Variants in SEMA4D observed in about 807,000 individuals in gnomAD.
SEMA4D encodes semaphorin 4D.
A neutral mutation model predicts 74.8 loss-of-function variants in SEMA4D; 22 were observed. That is an observed-to-expected ratio of 0.29 (90% confidence interval 0.21 to 0.42). The LOEUF (loss-of-function observed/expected upper bound fraction) is 0.42. Among genes scored for constraint, SEMA4D ranks in the 10% least tolerant of loss-of-function variants. SEMA4D has a pLI of 1.00. For synonymous variants in SEMA4D, 445 were observed against 463.7 expected, an observed-to-expected ratio of 0.96 and a Z score of 0.52; for missense variants, 937 against 1,118.4, an observed-to-expected ratio of 0.84 and a Z score of 2.31.
intron 8 of SEMA4D, among the ~76,000 whole-genome samples, chr9:89,392,043 C>T (rs1464778837): frequency 6.6e-6 from 1 of 152,266 alleles, no homozygotes; most frequent in African/African-American, 2.4e-5. Flanking sequence ...GCACTAGAGG[C>T]TGGGCCCGGA....
downstream of SEMA4D, chr9:89,376,944 C>T: frequency 1.9e-6 from 3 of 1,550,702 alleles, no homozygotes. Context: ...GGCCCCGCAC[C>T]CGAGGCTGGC....
intron 1 of SEMA4D, among the ~76,000 whole-genome samples, chr9:89,476,222 C>T (rs1413461283): frequency 2.6e-5 from 4 of 152,140 alleles, no homozygotes; most frequent in Admixed American, 6.5e-5. Context: ...CAGGGCAACA[C>T]CTTCATACAA....
rs140761617 is a variant in SEMA4D, at chr9:89,454,287, A to G, written c.-244+1601T>C. On this transcript the variant is annotated intron_variant, in intron 2 of 15. Coordinates refer to ENST00000422704, the MANE Select transcript of SEMA4D (RefSeq NM_001371194.2). Reference sequence around the variant, plus strand: ...TATCCTGCCTCTTACAGCTAAAGTCACATCTTGAAACGCCTTCTAACACAG... The same window carrying G: ...TATCCTGCCTCTTACAGCTAAAGTCGCATCTTGAAACGCCTTCTAACACAG... Among the ~76,000 whole-genome samples, 1,039 of 152,290 alleles carry G rather than the reference A, an allele frequency of 6.8e-3. 11 individuals are homozygous for G. The highest frequency in any genetic ancestry group is 0.023 in the African/African-American group (966 of 41,542).
chr9:89,427,033 A>G (rs905354895), intron 2 of SEMA4D, among the ~76,000 whole-genome samples: 2 of 152,198 alleles, frequency 1.3e-5, no homozygotes, highest in African/African-American at 4.8e-5. Context: ...CAGAATTTCA[A>G]TCAATTTCTA....
At chr9:89,370,958 TG>T in intron 16 of SEMA4D, among the ~76,000 whole-genome samples, 1 of 83,884 alleles carries the variant, frequency 1.2e-5, no homozygotes, top group African/African-American at 4.9e-5. Flanking sequence ...GGTGTGTATC[TG>T]GGGTAGGGTG....
chr9:89,399,403 A>T, intron 4 of SEMA4D, 65 bp from the exon 5 acceptor site: 1 of 1,199,904 alleles, frequency 8.3e-7, no homozygotes, highest in Non-Finnish European at 1.2e-6. Context: ...AAAATGCACA[A>T]TTTTAAAAGC....
intron 11 of SEMA4D, among the ~76,000 whole-genome samples, chr9:89,388,023 T>C (rs1432642550): frequency 6.6e-6 from 1 of 152,244 alleles, no homozygotes; most frequent in Non-Finnish European, 1.5e-5. Context: ...TCTAGCTCCC[T>C]GATGTGTGTA....
intron 2 of SEMA4D, among the ~76,000 whole-genome samples, chr9:89,445,652 T>C (rs1587945436): frequency 6.6e-6 from 1 of 152,196 alleles, no homozygotes; most frequent in Admixed American, 6.5e-5. Flanking sequence ...CACGTGATTA[T>C]GGATCTGTCA....
At chr9:89,384,747 G>A in intron 13 of SEMA4D, 1 of 985,434 alleles carries the variant, frequency 1.0e-6, no homozygotes, top group Middle Eastern at 5.2e-4. Context: ...AGGACAGGGG[G>A]AGGGCGTGGT....
At chr9:89,444,764 C>T (rs903867637) in intron 2 of SEMA4D, among the ~76,000 whole-genome samples, 6 of 152,032 alleles carry the variant, frequency 3.9e-5, no homozygotes, top group Non-Finnish European at 8.8e-5. Context: ...TACCCACGAG[C>T]CCTAAGAGAA....
chr9:89,455,183 G>A (rs544399615), intron 2 of SEMA4D, among the ~76,000 whole-genome samples: 5 of 152,366 alleles, frequency 3.3e-5, no homozygotes, highest in East Asian at 1.9e-4. Context: ...ATGCGGACTC[G>A]CACCCACATG....
At chr9:89,440,939 G>T (rs987939444) in intron 2 of SEMA4D, among the ~76,000 whole-genome samples, 2 of 152,198 alleles carry the variant, frequency 1.3e-5, no homozygotes, top group Admixed American at 6.5e-5. Flanking sequence ...ACTTTAACTG[G>T]ACTACTGCAG....
chr9:89,478,760 T>TACCCCA (rs1862393062), intron 1 of SEMA4D, among the ~76,000 whole-genome samples: 1 of 126,400 alleles, frequency 7.9e-6, no homozygotes, highest in South Asian at 2.5e-4. Flanking sequence ...GGCCCCCTCA[T>TACCCCA]CCTCCACCCC....
At chr9:89,480,262 AAC>A (rs1224698619) in intron 1 of SEMA4D, among the ~76,000 whole-genome samples, 1 of 152,282 alleles carries the variant, frequency 6.6e-6, no homozygotes, top group African/African-American at 2.4e-5. Context: ...CCTTGAGCTA[AAC>A]ACAGGGTGCT....
chr9:89,375,692 G>A (rs1835692466), downstream of SEMA4D, among the ~76,000 whole-genome samples: 1 of 152,148 alleles, frequency 6.6e-6, no homozygotes, highest in Non-Finnish European at 1.5e-5. Context: ...ACAACACAGG[G>A]GCCACCAGGG....
At chr9:89,423,268 T>G (rs1264653069) in intron 2 of SEMA4D, among the ~76,000 whole-genome samples, 1 of 151,972 alleles carries the variant, frequency 6.6e-6, no homozygotes, top group African/African-American at 2.4e-5. Flanking sequence ...CTCGGCTCAC[T>G]GCAATCTCCA....
chr9:89,387,418 C>T lies in SEMA4D; in HGVS notation c.1298G>A (p.Gly433Glu), dbSNP rs1415048432. The change falls in exon 12 of 16, where the codon GGG becomes GAG. Residue 433 changes from glycine to glutamate, a missense_variant. Transcript: ENST00000422704. ...IVVDRTQALD[G>E]TVYDVMFVST... ...GACAAACATGACATCATAGACAGTC[C>T]CATCCAGGGCCTGGGTCCGGTCCAC... is the stretch of plus-strand genomic sequence containing the variant. 23 of 1,613,982 alleles carry T rather than the reference C, an allele frequency of 1.4e-5. No homozygotes were observed. In the Admixed American group the frequency reaches 2.7e-4, roughly 19 times the overall value.
chr9:89,379,121 T>A lies in SEMA4D; in HGVS notation c.2172A>T (p.Lys724Asn). 1 of 1,614,120 alleles carries A rather than the reference T, an allele frequency of 6.2e-7. No individual in the cohort carries two copies. The highest frequency in any genetic ancestry group is 8.5e-7 in the Non-Finnish European group (1 of 1,180,020). ...TGTCGCTGGACTTAAGATACATGGT[T>A]TTCTCCGAGTGGAGCTGGGGGACCG... ...INTVPQLHSEKTMYLKSSDNR... is the reference protein window; with the variant it reads ...INTVPQLHSENTMYLKSSDNR... The change falls in exon 16 of 16, where the codon AAA becomes AAT. Residue 724 changes from lysine to asparagine, a missense_variant. Coordinates refer to ENST00000422704, the MANE Select transcript of SEMA4D (RefSeq NM_001371194.2).
intron 1 of SEMA4D, among the ~76,000 whole-genome samples, chr9:89,478,100 G>A (rs1862215679): frequency 6.6e-6 from 1 of 152,220 alleles, no homozygotes; most frequent in Non-Finnish European, 1.5e-5. Flanking sequence ...GTGAAAGCCT[G>A]CCAGCCCTGT....
Sources: gnomAD v4.1 joint callset for allele counts (sites outside exome capture counted in the v4.1 genomes callset) on GRCh38, gnomAD v4.1.1 for gene constraint, MANE v1.5 for transcripts, NCBI Gene and HGNC (gene_info 2026-07-23, HGNC 2026-07-21) for gene names.